TMPRSS15: variants seen among roughly 807,000 people sequenced by gnomAD.
TMPRSS15 encodes the protein transmembrane serine protease 15, also known as enteropeptidase.
Under a neutral mutation model 125.3 loss-of-function variants are expected in TMPRSS15, and 128 were observed. The ratio of observed to expected loss-of-function variants is 1.02; its 90% CI spans 0.89 to 1.18. The LOEUF (loss-of-function observed/expected upper bound fraction) is 1.18, where lower values mean the gene tolerates loss of function less well. Among genes scored for constraint, TMPRSS15 ranks in the 50% most tolerant of loss-of-function variants. The pLI is 0.00. For missense variants in TMPRSS15, 1,283 were observed against 1,212.7 expected, an observed-to-expected ratio of 1.06 and a Z score of -0.86; for synonymous variants, 446 against 423.2, an observed-to-expected ratio of 1.05 and a Z score of -0.66.
intron 18 of TMPRSS15, among the ~76,000 whole-genome samples, chr21:18,301,409 C>A (rs917144635): frequency 1.2e-4 from 19 of 152,268 alleles, no homozygotes; most frequent in African/African-American, 4.6e-4. Flanking sequence ...TAAAAATCTT[C>A]TTCACAGAAG....
intron 5 of TMPRSS15, among the ~76,000 whole-genome samples, chr21:18,372,680 C>T (rs2075803670): frequency 1.3e-5 from 2 of 152,098 alleles, no homozygotes; most frequent in Admixed American, 6.5e-5. Flanking sequence ...CTTAAAATTC[C>T]CAGTGCATTG....
intron 1 of TMPRSS15, among the ~76,000 whole-genome samples, chr21:18,432,859 A>C (rs2076219118): frequency 6.6e-6 from 1 of 152,078 alleles, no homozygotes; most frequent in Non-Finnish European, 1.5e-5. Flanking sequence ...GAAACAGTAA[A>C]ATTCTTCTCT....
intron 1 of TMPRSS15, among the ~76,000 whole-genome samples, chr21:18,440,372 C>CAAAAAAAAAAAAAAAAAAAAAAAAAAAA (rs539968323): frequency 2.1e-5 from 1 of 47,432 alleles, no homozygotes; most frequent in African/African-American, 8.3e-5. Flanking sequence ...AACTCCGTCT[C>CAAAAAAAAAAAAAAAAAAAAAAAAAAAA]AAAAAAAAAA....
intron 24 of TMPRSS15, among the ~76,000 whole-genome samples, chr21:18,274,641 T>A (rs1441185881): frequency 1.3e-5 from 2 of 152,202 alleles, no homozygotes; most frequent in South Asian, 2.1e-4. Flanking sequence ...AGAGCCAGGG[T>A]TATGCCAGTC....
chr21:18,324,430 T>C (rs1407592241), intron 16 of TMPRSS15, among the ~76,000 whole-genome samples: 1 of 152,172 alleles, frequency 6.6e-6, no homozygotes, highest in Admixed American at 6.5e-5. Context: ...TTCACACTGC[T>C]AACAAAGGCC....
chr21:18,353,021 A>G lies in TMPRSS15; in HGVS notation c.1053T>C (p.Asp351=). The change falls in exon 10 of 25, where the codon GAT becomes GAC. Residue 351 remains aspartate, a synonymous_variant. Coordinates refer to ENST00000284885, the MANE Select transcript of TMPRSS15 (RefSeq NM_002772.3). ...GATCCTGGACCCAGAAACAAAAGCC[A>G]TCCTCAAAGTTACAATTAATTTTCT... The part of the protein sequence containing the change: ...NYEKINCNFE[D]GFCFWVQDLN... 6.2e-7 allele frequency: 1 copy of G among 1,611,208 alleles called. No homozygotes were observed. The highest frequency in any genetic ancestry group is 1.1e-5 in the South Asian group (1 of 90,926).
Position 18,352,884 on chromosome 21 carries a change from T to C in TMPRSS15, c.1171+19A>G, listed in dbSNP as rs371766186. 5 of 1,610,884 alleles carry C rather than the reference T, an allele frequency of 3.1e-6. No homozygotes were observed. Among genetic ancestry groups the C allele is most frequent in the African/African-American group, 1.3e-5 (1 of 74,922 alleles). On this transcript the variant is annotated intron_variant, in intron 10 of 24. Transcript: ENST00000284885. ...TATGAATTAAAATCCTTTTGACTTC[T>C]GAATTAAATGAATTATACCTGAAGC...
chr21:18,270,896 T>TTTGA (rs1172053393), intron 24 of TMPRSS15, among the ~76,000 whole-genome samples: 4 of 152,180 alleles, frequency 2.6e-5, no homozygotes, highest in African/African-American at 9.6e-5. Flanking sequence ...GGCAAATCTT[T>TTTGA]TTGATTAATT....
chr21:18,312,794 G>T, intron 18 of TMPRSS15, 151 bp downstream of exon 18: 1 of 959,858 alleles, frequency 1.0e-6, no homozygotes, highest in Non-Finnish European at 1.5e-6. Flanking sequence ...TTGAAAATGG[G>T]GTTAATCAAG....
At chr21:18,365,081 CG>C (rs1261890649) in intron 7 of TMPRSS15, 58 bp downstream of exon 7, 27 of 1,354,012 alleles carry the variant, frequency 2.0e-5, no homozygotes, top group Non-Finnish European at 2.5e-5. Flanking sequence ...AGCAATAAGA[CG>C]TTGCATCAGA....
In TMPRSS15 at chr21:18,329,273, T is replaced by G; in HGVS notation, c.1676A>C (p.Gln559Pro). The change falls in exon 15 of 25, where the codon CAA becomes CCA. Residue 559 changes from glutamine to proline, a missense_variant. Transcript: ENST00000284885. ...LAFCVWILNA[Q>P]KGKNIQLHFQ... ...ATGAAGTTGTATATTCTTTCCTTTTTGTGCATTTAAAATCCAAACACCTAA... is the reference window on the plus strand; with the variant it reads ...ATGAAGTTGTATATTCTTTCCTTTTGGTGCATTTAAAATCCAAACACCTAA... 6.2e-7 allele frequency: 1 copy of G among 1,611,356 alleles called. No individual in the cohort carries two copies. Among genetic ancestry groups the G allele is most frequent in the Non-Finnish European group, 8.5e-7 (1 of 1,178,470 alleles).
chr21:18,483,670 AT>A (rs1384549507), intron 1 of TMPRSS15, among the ~76,000 whole-genome samples: 3 of 151,948 alleles, frequency 2.0e-5, no homozygotes, highest in Non-Finnish European at 2.9e-5. Flanking sequence ...TCTGGATATT[AT>A]TTCAACATTT....
intron 5 of TMPRSS15, among the ~76,000 whole-genome samples, chr21:18,372,581 T>G (rs2075802759): frequency 6.6e-6 from 1 of 152,338 alleles, no homozygotes; most frequent in East Asian, 1.9e-4. Context: ...CTCATAAGCT[T>G]ATTATTTGAA....
intron 1 of TMPRSS15, among the ~76,000 whole-genome samples, chr21:18,445,797 A>T: frequency 6.6e-6 from 1 of 152,254 alleles, no homozygotes; most frequent in East Asian, 1.9e-4. Context: ...TGGAGGTAGA[A>T]GACTATGCCT....
rs552611733 is a variant in TMPRSS15, at chr21:18,270,202, A to T, written c.2905-78T>A. On this transcript the variant is annotated intron_variant, in intron 24 of 24. Transcript: ENST00000284885. ...ACATATAAAATTATTTGTATCAAATAAATTAAAAAATAAAAATTAATTAAA... is the reference window on the plus strand; with the variant it reads ...ACATATAAAATTATTTGTATCAAATTAATTAAAAAATAAAAATTAATTAAA... 4.6e-4 allele frequency: 567 copies of T among 1,233,688 alleles called. 2 individuals carry two copies. The highest frequency in any genetic ancestry group is 1.2e-3 in the Middle Eastern group (5 of 4,344). The allele number at this position is 1,233,688 out of a possible 1,614,324, so 76.4% of individuals were successfully genotyped here.
At chr21:18,474,693 C>T (rs1235569689) in intron 1 of TMPRSS15, among the ~76,000 whole-genome samples, 2 of 152,118 alleles carry the variant, frequency 1.3e-5, no homozygotes, top group Non-Finnish European at 2.9e-5. Flanking sequence ...AGCTAAATAG[C>T]CAAAAGCTGA....
chr21:18,413,393 C>CTTCT (rs1187217736), intron 1 of TMPRSS15, among the ~76,000 whole-genome samples: 1 of 122,186 alleles, frequency 8.2e-6, no homozygotes, highest in Admixed American at 9.9e-5. Context: ...TTCTATCTTT[C>CTTCT]TTCTTTCTTT....
chr21:18,381,720 GA>G (rs2075894405), intron 4 of TMPRSS15, among the ~76,000 whole-genome samples: 1 of 152,124 alleles, frequency 6.6e-6, no homozygotes, highest in Non-Finnish European at 1.5e-5. Context: ...AGGAAATCGT[GA>G]AAAAAAGTTT....
At chr21:18,351,945 T>C (rs770000485) in intron 10 of TMPRSS15, among the ~76,000 whole-genome samples, 1 of 152,136 alleles carries the variant, frequency 6.6e-6, no homozygotes, top group Non-Finnish European at 1.5e-5. Flanking sequence ...GTATCCTTAA[T>C]GCCTAGAACC....
Sources: gnomAD v4.1 joint callset for allele counts (sites outside exome capture counted in the v4.1 genomes callset) on GRCh38, gnomAD v4.1.1 for gene constraint, MANE v1.5 for transcripts, NCBI Gene and HGNC (gene_info 2026-07-23, HGNC 2026-07-21) for gene names.